PTPRZ1: variants seen among roughly 807,000 people sequenced by gnomAD.
The protein encoded by PTPRZ1 is receptor-type tyrosine-protein phosphatase zeta.
A neutral mutation model predicts 214.1 loss-of-function variants in PTPRZ1; 82 were observed. The ratio of observed to expected loss-of-function variants is 0.38; its 90% CI spans 0.32 to 0.46. PTPRZ1 has a LOEUF of 0.46. Ranked by LOEUF, PTPRZ1 falls within the 20% of genes least tolerant of loss-of-function variation. The probability of loss-of-function intolerance (pLI) is 1.00; values close to 1 mark genes in which losing one functional copy is unlikely to be tolerated. For synonymous variants in PTPRZ1, 945 were observed against 987.9 expected (o/e 0.96, Z 0.81); for missense variants, 2,603 against 2,748.7 (o/e 0.95, Z 1.19).
chr7:122,044,336 T>C, intron 22 of PTPRZ1, 86 bp from the exon 23 acceptor site: 1 of 1,488,920 alleles, frequency 6.7e-7, no homozygotes, highest in Non-Finnish European at 9.2e-7. Context: ...ACTCTCCTTG[T>C]CTGTCAATGG....
intron 13 of PTPRZ1, among the ~76,000 whole-genome samples, chr7:122,026,379 T>G (rs1292531556): frequency 1.3e-5 from 2 of 152,190 alleles, no homozygotes; most frequent in Non-Finnish European, 2.9e-5. Flanking sequence ...TTTGGAGAAA[T>G]CAAAGGGATT....
intron 13 of PTPRZ1, among the ~76,000 whole-genome samples, chr7:122,025,762 T>C (rs1451980899): frequency 6.6e-6 from 1 of 152,222 alleles, no homozygotes; most frequent in African/African-American, 2.4e-5. Context: ...CTGAGCTGTC[T>C]TGAAAGAAGG....
At chr7:121,957,201 C>T (rs2116475246) in intron 2 of PTPRZ1, among the ~76,000 whole-genome samples, 1 of 152,116 alleles carries the variant, frequency 6.6e-6, no homozygotes, top group East Asian at 1.9e-4. Flanking sequence ...CTTTTTAGGC[C>T]TGGGCTCTGG....
chr7:121,894,454 G>A (rs1347944271), intron 1 of PTPRZ1, among the ~76,000 whole-genome samples: 3 of 152,122 alleles, frequency 2.0e-5, no homozygotes, highest in Admixed American at 2.0e-4. Context: ...CACTCAGGCT[G>A]GAGTGCAGTG....
In PTPRZ1 at chr7:122,054,924, C is replaced by A; in HGVS notation, c.6382-17C>A. 1 of 1,575,224 alleles carries A rather than the reference C, an allele frequency of 6.3e-7. No homozygotes were observed. The highest frequency in any genetic ancestry group is 8.6e-7 in the Non-Finnish European group (1 of 1,164,354). On this transcript the variant is annotated splice_polypyrimidine_tract_variant and intron_variant, in intron 26 of 29. Transcript: ENST00000393386. ...TTTATTAAAATCTAGACTCTTCTTT[C>A]ATTTGCAATTCTGCAGGCAGAAGAT...
Position 122,061,205 on chromosome 7 carries a change from A to G in PTPRZ1, c.6933A>G (p.Leu2311=). Residue 2311 remains leucine (L), a synonymous_variant, in exon 30 of 30, where the codon TTA becomes TTG. Coordinates refer to ENST00000393386, the MANE Select transcript of PTPRZ1 (RefSeq NM_002851.3). ...ALPDGNIAES[L]ESLV ...CTGATGGAAATATAGCTGAGAGCTTAGAGTCTTTAGTTTAACACAGAAAGG... is the reference window on the plus strand; with the variant it reads ...CTGATGGAAATATAGCTGAGAGCTTGGAGTCTTTAGTTTAACACAGAAAGG... The G allele has an allele frequency of 6.2e-7, 1 of 1,602,544 alleles. No individual in the cohort carries two copies. Among genetic ancestry groups the G allele is most frequent in the East Asian group, 2.2e-5 (1 of 44,486 alleles).
Position 122,011,292 on chromosome 7 carries a change from C to A in PTPRZ1, c.2246C>A (p.Thr749Asn). 1 of 1,614,096 alleles carries A rather than the reference C, an allele frequency of 6.2e-7. No individual in the cohort carries two copies. Among genetic ancestry groups the A allele is most frequent in the Non-Finnish European group, 8.5e-7 (1 of 1,180,006 alleles). Reference sequence around the variant, plus strand: ...GTCAACGTGGTATACTCGCAGACAACCCAACCGGTATACAATGGTGAGACA... The same window carrying A: ...GTCAACGTGGTATACTCGCAGACAAACCAACCGGTATACAATGGTGAGACA... ...STVNVVYSQT[T>N]QPVYNGETPL... The change falls in exon 12 of 30, where the codon ACC becomes AAC. Residue 749 changes from threonine (T) to asparagine (N), a missense_variant. By Grantham distance (65) the Thr-to-Asn change is moderately conservative. This residue lies in a region of PTPRZ1 where 1,913 missense variants were observed against 1,914.3 expected (regional missense o/e 1.00). Coordinates refer to ENST00000393386, the MANE Select transcript of PTPRZ1 (RefSeq NM_002851.3).
chr7:121,983,805 A>G lies in PTPRZ1; in HGVS notation c.760A>G (p.Ser254Gly), dbSNP rs777113018. 1 of 1,611,812 alleles carries G rather than the reference A, an allele frequency of 6.2e-7. No individual in the cohort carries two copies. The highest frequency in any genetic ancestry group is 8.5e-7 in the Non-Finnish European group (1 of 1,179,476). ...VDWIVFKDTV[S>G]ISESQLAVFC... ...CTGGATTGTTTTTAAAGATACAGTTAGCATCTCTGAAAGCCAGGTAATCTT... is the reference window on the plus strand; with the variant it reads ...CTGGATTGTTTTTAAAGATACAGTTGGCATCTCTGAAAGCCAGGTAATCTT... The change falls in exon 7 of 30, where the codon AGC becomes GGC. Residue 254 changes from serine to glycine, a missense_variant. Ser to Gly is a moderately conservative substitution (Grantham distance 56, BLOSUM62 0). Around this residue, in one of 6 missense-constraint regions of PTPRZ1, gnomAD observed 244 missense variants for 333.2 expected, o/e 0.73. Transcript: ENST00000393386.
chr7:121,926,899 T>C (rs552382284), intron 1 of PTPRZ1, among the ~76,000 whole-genome samples: 1 of 152,292 alleles, frequency 6.6e-6, no homozygotes, highest in East Asian at 1.9e-4. Context: ...TTTTTACAAA[T>C]TTAAACACAA....
chr7:122,055,037 T>A lies in PTPRZ1; in HGVS notation c.6478T>A (p.Ser2160Thr), dbSNP rs776110923. The change falls in exon 27 of 30, where the codon TCT becomes ACT. Residue 2160 changes from serine to threonine, a missense_variant. This residue lies in a region of PTPRZ1 where 134 missense variants were observed against 183.3 expected (regional missense o/e 0.73). Coordinates refer to ENST00000393386, the MANE Select transcript of PTPRZ1 (RefSeq NM_002851.3). Reference protein sequence around the residue: ...TLMAEEHKCLSNEEKLIIQDF... With the variant: ...TLMAEEHKCLTNEEKLIIQDF... ...TATGGCTGAAGAACACAAATGTCTA[T>A]CTAATGAGGAAAAACTTATAATTCA... The A allele has an allele frequency of 1.9e-6, 3 of 1,602,684 alleles. No homozygotes were observed.
intron 3 of PTPRZ1, among the ~76,000 whole-genome samples, chr7:121,969,312 A>G (rs1220557042): frequency 6.6e-6 from 1 of 152,204 alleles, no homozygotes; most frequent in Non-Finnish European, 1.5e-5. Flanking sequence ...CTGTAATCCC[A>G]GCATTTTGGG....
intron 8 of PTPRZ1, among the ~76,000 whole-genome samples, chr7:121,990,288 T>C (rs2116590104): frequency 1.3e-5 from 2 of 152,248 alleles, no homozygotes; most frequent in South Asian, 4.1e-4. Context: ...ATATAAACTC[T>C]GTAAGGTTAG....
chr7:121,972,207 GTCT>G (rs1317790443), intron 3 of PTPRZ1, among the ~76,000 whole-genome samples: 1 of 149,796 alleles, frequency 6.7e-6, no homozygotes, highest in Non-Finnish European at 1.5e-5. Flanking sequence ...CCTTTGCTCT[GTCT>G]TCTTATTACC....
At chr7:121,909,578 G>A (rs1795211898) in intron 1 of PTPRZ1, among the ~76,000 whole-genome samples, 1 of 152,136 alleles carries the variant, frequency 6.6e-6, no homozygotes, top group Non-Finnish European at 1.5e-5. Flanking sequence ...GCAAGAAAAA[G>A]TCGAGTAGAA....
chr7:121,951,672 CTCT>C, intron 2 of PTPRZ1, among the ~76,000 whole-genome samples: 1 of 152,174 alleles, frequency 6.6e-6, no homozygotes, highest in East Asian at 1.9e-4. Flanking sequence ...GCCAGCCTGC[CTCT>C]TCATCTCCTC....
chr7:121,957,276 G>T (rs1372989490), intron 2 of PTPRZ1, among the ~76,000 whole-genome samples: 1 of 152,086 alleles, frequency 6.6e-6, no homozygotes, highest in East Asian at 1.9e-4. Flanking sequence ...CTTCACTTTG[G>T]CTGTATCTCC....
At chr7:121,952,328 A>T (rs1796576207) in intron 2 of PTPRZ1, among the ~76,000 whole-genome samples, 1 of 152,060 alleles carries the variant, frequency 6.6e-6, no homozygotes, top group African/African-American at 2.4e-5. Flanking sequence ...TGGCACCTGT[A>T]ATTCCAGTGC....
chr7:122,000,455 T>C (rs1297503725), intron 10 of PTPRZ1, among the ~76,000 whole-genome samples: 1 of 151,582 alleles, frequency 6.6e-6, no homozygotes, highest in Non-Finnish European at 1.5e-5. Flanking sequence ...GCTTATTTCA[T>C]GGTTTTTATT....
chr7:121,881,381 T>C (rs914184890), intron 1 of PTPRZ1, among the ~76,000 whole-genome samples: 10 of 152,328 alleles, frequency 6.6e-5, no homozygotes, highest in Middle Eastern at 3.4e-3. Flanking sequence ...TGGGAGACTT[T>C]TAAATCATAC....
Sources: allele counts gnomAD v4.1 joint callset (sites outside exome capture counted in the v4.1 genomes callset), GRCh38; gene constraint gnomAD v4.1.1; regional missense constraint gnomAD v4.1.1; transcripts MANE v1.5; gene names NCBI Gene and HGNC (gene_info 2026-07-23, HGNC 2026-07-21).